The following HEATR5A variants were observed in gnomAD, a reference collection of about 807,000 sequenced individuals.
HEATR5A encodes the protein HEAT repeat containing 5A.
In HEATR5A, 178 loss-of-function variants were observed where a neutral mutation model predicts 218.8. The observed-to-expected ratio is 0.81, with a 90% CI of 0.72 to 0.92. HEATR5A has a LOEUF of 0.92. Ranked by LOEUF, HEATR5A falls within the 40% of genes least tolerant of loss-of-function variation. HEATR5A has a pLI of 0.00. For synonymous variants in HEATR5A, 864 were observed against 871.6 expected (o/e 0.99, Z 0.15); for missense variants, 2,420 against 2,418.9 (o/e 1.00, Z -0.01).
At position 31,402,950 on chromosome 14, in the gene HEATR5A, A is replaced by G. The variant is rs1427039319; in HGVS notation, c.26T>C (p.Leu9Pro). The change falls in exon 2 of 36, where the codon CTG (leucine) becomes CCG (proline). Residue 9 changes from leucine (L) to proline (P), a missense_variant. By Grantham distance (98) the Leu-to-Pro change is moderately conservative (BLOSUM62 -3). Coordinates refer to ENST00000543095, the MANE Select transcript of HEATR5A (RefSeq NM_015473.4). MELAHSLL[L>P]NEEAYNQLGE... is the part of the protein sequence containing the mutation. ...TAGTTGATTGTATGCTTCTTCATTC[A>G]GCAGTAAGCTATGAGCTAATTCCAT... 1 of 1,536,124 alleles carries G rather than the reference A, an allele frequency of 6.5e-7. No individual in the cohort carries two copies.
chr14:31,336,392 C>T (rs916850448), intron 22 of HEATR5A, among the ~76,000 whole-genome samples: 2 of 151,386 alleles, frequency 1.3e-5, no homozygotes, highest in Non-Finnish European at 2.9e-5. Context: ...GTGTGTCTGG[C>T]CCCCAGGGCT....
chr14:31,399,256 G>A (rs1395269704), intron 3 of HEATR5A, among the ~76,000 whole-genome samples: 4 of 152,204 alleles, frequency 2.6e-5, no homozygotes, highest in East Asian at 1.9e-4. Context: ...CCTAAGGCAC[G>A]ACACTTAGGT....
intron 35 of HEATR5A, 135 bp downstream of exon 35, chr14:31,293,756 A>G (rs990118956): frequency 1.2e-5 from 12 of 1,034,566 alleles, no homozygotes; most frequent in Non-Finnish European, 1.7e-5. Flanking sequence ...AATAATATCA[A>G]TACTTGGGAT....
chr14:31,357,310 T>C (rs571322331), intron 16 of HEATR5A, among the ~76,000 whole-genome samples: 178 of 152,342 alleles, frequency 1.2e-3, no homozygotes, highest in Middle Eastern at 6.8e-3. Flanking sequence ...GAAATTAAAA[T>C]ATTTTTCTAA....
chr14:31,314,135 A>T (rs915479375), intron 27 of HEATR5A, among the ~76,000 whole-genome samples: 6 of 151,762 alleles, frequency 4.0e-5, no homozygotes, highest in Non-Finnish European at 8.8e-5. Context: ...TTTAGTAGAG[A>T]TGGGGTTTCA....
At chr14:31,307,018 C>A in intron 30 of HEATR5A, 139 bp from the exon 31 acceptor site, 1 of 684,560 alleles carries the variant, frequency 1.5e-6, no homozygotes, top group South Asian at 2.3e-5. Context: ...AGTTAAGTAA[C>A]GCTCCATTTT....
Position 31,318,255 on chromosome 14 carries a change from G to A in HEATR5A, c.4007C>T (p.Thr1336Ile), listed in dbSNP as rs201914595. ...AALRPAFTSE[T>I]PPDVTAKACQ... ...TGCTTTGGCAGTGACATCAGGTGGT[G>A]TCTCTGAAGTGAAGGCTGGTCTAAG... The change falls in exon 26 of 36, where the codon ACA becomes ATA. Residue 1336 changes from threonine (T) to isoleucine (I), a missense_variant. By Grantham distance (89) the Thr-to-Ile change is moderately conservative. Coordinates refer to ENST00000543095, the MANE Select transcript of HEATR5A (RefSeq NM_015473.4). 286 of 1,613,738 alleles carry A rather than the reference G, an allele frequency of 1.8e-4. No homozygotes were observed. The highest frequency in any genetic ancestry group is 2.1e-4 in the Non-Finnish European group (249 of 1,179,766).
chr14:31,419,939 C>A (rs984587547), intron 1 of HEATR5A, among the ~76,000 whole-genome samples: 1 of 152,250 alleles, frequency 6.6e-6, no homozygotes, highest in African/African-American at 2.4e-5. Context: ...TCTGGGAACT[C>A]TCTTTGAGGG....
chr14:31,352,924 C>A (rs980176899), intron 16 of HEATR5A, among the ~76,000 whole-genome samples: 1 of 150,752 alleles, frequency 6.6e-6, no homozygotes, highest in African/African-American at 2.4e-5. Context: ...CCGCTGTACT[C>A]CAGCCTGGGT....
At chr14:31,346,271 T>C (rs753377191) in intron 19 of HEATR5A, among the ~76,000 whole-genome samples, 1 of 152,128 alleles carries the variant, frequency 6.6e-6, no homozygotes, top group Non-Finnish European at 1.5e-5. Context: ...TACAACTAGG[T>C]ACATTCAGAA....
rs762568407 is a variant in HEATR5A, at chr14:31,383,624, T to C, written c.1493A>G (p.His498Arg). The C allele has an allele frequency of 8.1e-6, 13 of 1,614,016 alleles. No individual in the cohort carries two copies. The highest frequency in any genetic ancestry group is 1.0e-5 in the Non-Finnish European group (12 of 1,179,882). Residue 498 changes from histidine to arginine, a missense_variant, in exon 10 of 36, where the codon CAT becomes CGT. Coordinates refer to ENST00000543095, the MANE Select transcript of HEATR5A (RefSeq NM_015473.4). ...AGTCACTGCTTCAGGTGAAGACTTA[T>C]GTCCAGTAAGCCGTTCAAGGCAACG... is the stretch of plus-strand genomic sequence containing the variant. ...LDRCLERLTG[H>R]KSSPEAVTGF... is the part of the protein sequence containing the mutation.
At chr14:31,376,898 G>A (rs1215176244) in intron 11 of HEATR5A, among the ~76,000 whole-genome samples, 1 of 152,154 alleles carries the variant, frequency 6.6e-6, no homozygotes, top group East Asian at 1.9e-4. Flanking sequence ...GGCAAGACAG[G>A]AGGATCACTT....
At chr14:31,312,906 A>AAAAGG in intron 28 of HEATR5A, 62 bp downstream of exon 28, 1 of 1,384,694 alleles carries the variant, frequency 7.2e-7, no homozygotes, top group Admixed American at 2.2e-5. Context: ...AAAAACAAAA[A>AAAAGG]AAAAGAAAAG....
intron 19 of HEATR5A, 83 bp from the exon 20 acceptor site, chr14:31,345,359 G>A: frequency 9.1e-7 from 1 of 1,104,428 alleles, no homozygotes; most frequent in South Asian, 1.5e-5. Flanking sequence ...TTTTGTTGAA[G>A]CAAGTGATAA....
chr14:31,308,506 T>TA (rs34745602), intron 29 of HEATR5A, among the ~76,000 whole-genome samples: 78,744 of 125,774 alleles, frequency 0.63, 25,815 homozygotes, highest in Non-Finnish European at 0.75. Flanking sequence ...AAACTCTGTC[T>TA]AAAAAAAAAA....
In HEATR5A at chr14:31,350,731, T is replaced by A. The variant is rs1385897710; in HGVS notation, c.2412-14A>T. The stretch of plus-strand genomic sequence containing the variant: ...AATATAAGAAGCCTACAATCAGAAA[T>A]AACAGGATTTAAAAGCAAGTAGGTA... On this transcript the variant is annotated splice_polypyrimidine_tract_variant and intron_variant, in intron 16 of 35. Coordinates refer to ENST00000543095, the MANE Select transcript of HEATR5A (RefSeq NM_015473.4). The A allele has an allele frequency of 5.1e-6, 7 of 1,360,238 alleles. No individual in the cohort carries two copies. The highest frequency in any genetic ancestry group is 7.2e-6 in the Non-Finnish European group (7 of 973,260). 84.3% of individuals were successfully genotyped at this position (1,360,238 alleles called of 1,614,324 possible). A position where few individuals can be genotyped will look rare whatever the true frequency, so the allele number is the denominator to read the frequency against.
intron 6 of HEATR5A, 56 bp downstream of exon 6, chr14:31,393,996 T>C (rs2030553570): frequency 1.7e-6 from 2 of 1,186,666 alleles, no homozygotes; most frequent in East Asian, 2.6e-5. Flanking sequence ...TATTTGTTTA[T>C]ATCAACTGGG....
chr14:31,304,797 T>C, intron 32 of HEATR5A, 108 bp downstream of exon 32: 2 of 1,068,604 alleles, frequency 1.9e-6, no homozygotes, highest in Non-Finnish European at 2.7e-6. Context: ...ACCCAAATGT[T>C]TGGGTCAGCA....
At chr14:31,373,818 C>T (rs1217857769) in intron 12 of HEATR5A, among the ~76,000 whole-genome samples, 1 of 151,932 alleles carries the variant, frequency 6.6e-6, no homozygotes, top group East Asian at 1.9e-4. Flanking sequence ...CTGCATCTGC[C>T]CCCAGTGAGA....
Sources: gnomAD v4.1 joint callset for allele counts (sites outside exome capture counted in the v4.1 genomes callset) on GRCh38, gnomAD v4.1.1 for gene constraint, MANE v1.5 for transcripts, NCBI Gene and HGNC (gene_info 2026-07-23, HGNC 2026-07-21) for gene names.